Variants in DARS1 observed in about 807,000 individuals in gnomAD.
DARS1 encodes aspartyl-tRNA synthetase 1.
DARS1 carries 51 observed loss-of-function variants against 68.8 expected under a neutral mutation model. The ratio of observed to expected loss-of-function variants is 0.74; its 90% CI spans 0.59 to 0.94. DARS1 has a LOEUF of 0.94. DARS1 is among the 40% of genes least tolerant of loss of function. The pLI is 0.00. For missense variants in DARS1, 607 were observed against 597.3 expected, an observed-to-expected ratio of 1.02 and a Z score of -0.17; for synonymous variants, 203 against 190.4, an observed-to-expected ratio of 1.07 and a Z score of -0.55.
rs1341481601 is a variant in DARS1 at position 135,911,377 on chromosome 2, T to A, written c.1342+5A>T. The A allele has an allele frequency of 1.1e-6, 1 of 908,824 alleles. No homozygotes were observed. The highest frequency in any genetic ancestry group is 1.7e-5 in the Admixed American group (1 of 57,428). 56.3% of individuals were successfully genotyped at this position (908,824 alleles called of 1,614,324 possible). On this transcript the variant is annotated splice_donor_5th_base_variant and intron_variant, in intron 14 of 15. Coordinates refer to ENST00000264161, the MANE Select transcript of DARS1 (RefSeq NM_001349.4). ...CACTCCCCTAAATTATTTTAAGTTG[T>A]TTACCAATTCCATGATGTAAAGCTC...
intron 10 of DARS1, among the ~76,000 whole-genome samples, chr2:135,917,181 A>G (rs898928160): frequency 1.3e-5 from 2 of 152,138 alleles, no homozygotes; most frequent in East Asian, 3.8e-4. Context: ...AAGAAAAAGA[A>G]AAAAATGTCT....
Position 135,906,212 on chromosome 2 carries a change from A to G in DARS1, c.*1104T>C, listed in dbSNP as rs183982779. On this transcript the variant is annotated 3_prime_UTR_variant, in exon 16 of 16. Coordinates refer to ENST00000264161, the MANE Select transcript of DARS1 (RefSeq NM_001349.4). ...GTAACTTCCTAACTTTTTGACCCTC[A>G]TATTTTTCTGCATGTAATTTTTTCT... Among the ~76,000 whole-genome samples the G allele has an allele frequency of 1.3e-5, 2 of 152,274 alleles. No homozygotes were observed. The highest frequency in any genetic ancestry group is 3.9e-4 in the East Asian group (2 of 5,184).
chr2:135,944,707 G>C (rs1184240839), intron 4 of DARS1, among the ~76,000 whole-genome samples: 1 of 152,186 alleles, frequency 6.6e-6, no homozygotes, highest in Non-Finnish European at 1.5e-5. Flanking sequence ...AAAAGAAGTA[G>C]TTGGTGAACT....
intron 4 of DARS1, among the ~76,000 whole-genome samples, chr2:135,958,852 A>G: frequency 6.6e-6 from 1 of 152,118 alleles, no homozygotes; most frequent in Non-Finnish European, 1.5e-5. Flanking sequence ...GGCTCCATTC[A>G]CTTACATATA....
intron 4 of DARS1, among the ~76,000 whole-genome samples, chr2:135,959,624 G>A (rs1225086363): frequency 6.6e-6 from 1 of 151,936 alleles, no homozygotes; most frequent in African/African-American, 2.4e-5. Flanking sequence ...CAAGTCCCAG[G>A]AGTTTCTGAG....
intron 7 of DARS1, among the ~76,000 whole-genome samples, chr2:135,928,502 G>A (rs1681273219): frequency 6.6e-6 from 1 of 151,620 alleles, no homozygotes; most frequent in African/African-American, 2.4e-5. Flanking sequence ...ATGCCACCAA[G>A]CCTGGCTAAT....
At chr2:135,952,012 G>A (rs1575398765) in intron 4 of DARS1, among the ~76,000 whole-genome samples, 2 of 152,158 alleles carry the variant, frequency 1.3e-5, no homozygotes, top group Admixed American at 1.3e-4. Flanking sequence ...AGGCTGAGGC[G>A]GGTGGATCAC....
At chr2:135,960,130 G>A (rs1476312559) in intron 4 of DARS1, among the ~76,000 whole-genome samples, 1 of 152,090 alleles carries the variant, frequency 6.6e-6, no homozygotes, top group Non-Finnish European at 1.5e-5. Flanking sequence ...CTCTAACCAG[G>A]AGACGAAACA....
At chr2:135,937,360 G>A (rs1360577804) in intron 5 of DARS1, among the ~76,000 whole-genome samples, 4 of 151,796 alleles carry the variant, frequency 2.6e-5, no homozygotes, top group African/African-American at 7.3e-5. Context: ...ATGATAATGA[G>A]CTCTTTCAGT....
In DARS1 at chr2:135,911,389, A is replaced by G. The variant is rs1575381258; in HGVS notation, c.1335T>C (p.His445=). The G allele has an allele frequency of 2.1e-6, 2 of 939,828 alleles. No individual in the cohort carries two copies. The highest frequency in any genetic ancestry group is 1.3e-5 in the South Asian group (1 of 76,666). 58.2% of individuals were successfully genotyped at this position (939,828 alleles called of 1,614,324 possible). ...TTATTTTAAGTTGTTTACCAATTCC[A>G]TGATGTAAAGCTCTCTCTGTTAGCA... ...PQLLTERALH[H]GIDLEKIKAY... is the part of the protein sequence containing the mutation. The change falls in exon 14 of 16, where the codon CAT becomes CAC. Residue 445 remains histidine, a synonymous_variant. Transcript: ENST00000264161.
intron 5 of DARS1, among the ~76,000 whole-genome samples, chr2:135,940,557 T>C (rs1681573379): frequency 6.6e-6 from 1 of 152,190 alleles, no homozygotes; most frequent in Non-Finnish European, 1.5e-5. Flanking sequence ...AATATCATAC[T>C]GAATGGTCAA....
intron 7 of DARS1, among the ~76,000 whole-genome samples, chr2:135,931,610 A>G (rs554162460): frequency 6.6e-6 from 1 of 152,322 alleles, no homozygotes; most frequent in East Asian, 1.9e-4. Flanking sequence ...ATCTCCCAAA[A>G]TGTAAAGTCA....
At chr2:135,965,070 T>C (rs1308600035) in intron 3 of DARS1, among the ~76,000 whole-genome samples, 1 of 151,682 alleles carries the variant, frequency 6.6e-6, no homozygotes, top group Non-Finnish European at 1.5e-5. Flanking sequence ...CAATAGAACA[T>C]AAGAAAAAAT....
At chr2:135,985,177 G>A (rs1682745961) in intron 1 of DARS1, 1 of 630,890 alleles carries the variant, frequency 1.6e-6, no homozygotes, top group Admixed American at 3.2e-5. Context: ...CCGGGGACAC[G>A]CTTCTAGTAG....
At chr2:135,958,396 C>A (rs1682024217) in intron 4 of DARS1, among the ~76,000 whole-genome samples, 1 of 152,018 alleles carries the variant, frequency 6.6e-6, no homozygotes, top group East Asian at 1.9e-4. Flanking sequence ...TAGCGCATAC[C>A]CATTTTATGC....
intron 4 of DARS1, among the ~76,000 whole-genome samples, chr2:135,947,709 TGACA>T (rs935762029): frequency 6.6e-6 from 1 of 151,992 alleles, no homozygotes; most frequent in Non-Finnish European, 1.5e-5. Context: ...TGTTACAGAC[TGACA>T]AATTAGAACT....
chr2:135,947,823 G>GAA (rs758373832), intron 4 of DARS1, among the ~76,000 whole-genome samples: 50 of 131,502 alleles, frequency 3.8e-4, no homozygotes, highest in East Asian at 2.5e-3. Context: ...TAGTTTCTGT[G>GAA]AAAAAAAAAA....
In DARS1 at chr2:135,907,362, C is replaced by T. The variant is rs753793246; in HGVS notation, c.1460G>A (p.Arg487His). ...ATCACGAGGGAACATGGAGGTCTGA[C>T]GAACATTATGCAATCCCAGAAACAG... The part of the protein sequence containing the change: ...TMLFLGLHNV[R>H]QTSMFPRDPK... The change falls in exon 16 of 16, where the codon CGT becomes CAT. Residue 487 changes from arginine (R) to histidine (H), a missense_variant. Transcript: ENST00000264161. 10 of 1,602,694 alleles carry T rather than the reference C, an allele frequency of 6.2e-6. No homozygotes were observed. The highest frequency in any genetic ancestry group is 3.3e-5 in the South Asian group (3 of 90,838).
intron 3 of DARS1, among the ~76,000 whole-genome samples, chr2:135,965,650 A>G (rs1302477584): frequency 1.3e-5 from 2 of 152,198 alleles, no homozygotes; most frequent in East Asian, 3.8e-4. Context: ...AAATTTGTGT[A>G]ATGCTTCTGG....
Sources: allele counts gnomAD v4.1 joint callset (sites outside exome capture counted in the v4.1 genomes callset), GRCh38; gene constraint gnomAD v4.1.1; transcripts MANE v1.5; gene names NCBI Gene and HGNC (gene_info 2026-07-23, HGNC 2026-07-21).